FNTB: variants seen among roughly 807,000 people sequenced by gnomAD.
FNTB encodes protein farnesyltransferase subunit beta.
In FNTB, 27 loss-of-function variants were observed where a neutral mutation model predicts 59.4. The observed-to-expected ratio is 0.45, with a 90% CI of 0.34 to 0.63. The LOEUF is 0.63. Ranked by LOEUF, FNTB falls within the 20% of genes least tolerant of loss-of-function variation. The pLI, the probability that FNTB is intolerant of heterozygous loss-of-function variation, is 0.02. For synonymous variants in FNTB, 230 were observed against 220.7 expected, an observed-to-expected ratio of 1.04 and a Z score of -0.37; for missense variants, 449 against 559.6, an observed-to-expected ratio of 0.80 and a Z score of 1.99.
Position 65,040,926 on chromosome 14 carries a change from A to G in FNTB, c.822+7A>G. On this transcript the variant is annotated splice_region_variant and intron_variant, in intron 8 of 11. Transcript: ENST00000246166. ...GAACTTGAAGAGCTTATTAGTAAGTATCTTTTGAGCCATCCCCCTCTCAGG... is the reference window on the plus strand; with the variant it reads ...GAACTTGAAGAGCTTATTAGTAAGTGTCTTTTGAGCCATCCCCCTCTCAGG... 1.2e-6 allele frequency: 2 copies of G among 1,613,260 alleles called. No individual in the cohort carries two copies. Among genetic ancestry groups the G allele is most frequent in the South Asian group, 1.1e-5 (1 of 91,024 alleles).
At chr14:64,998,168 T>C (rs551210400) in intron 1 of FNTB, among the ~76,000 whole-genome samples, 3 of 152,368 alleles carry the variant, frequency 2.0e-5, no homozygotes, top group African/African-American at 7.2e-5. Context: ...AAGAAAGTAC[T>C]ATTTGAGGTA....
At chr14:65,008,353 A>G (rs766161361) in intron 2 of FNTB, among the ~76,000 whole-genome samples, 3 of 152,182 alleles carry the variant, frequency 2.0e-5, no homozygotes, top group Non-Finnish European at 4.4e-5. Flanking sequence ...CCTCTCTTTC[A>G]GCAGCAGTAT....
intron 11 of FNTB, among the ~76,000 whole-genome samples, chr14:65,059,669 C>G (rs1239489865): frequency 6.6e-6 from 1 of 151,952 alleles, no homozygotes; most frequent in Non-Finnish European, 1.5e-5. Context: ...TGGGAGAATC[C>G]TGAATATTGG....
chr14:65,005,635 G>A lies in FNTB; in HGVS notation c.209+1322G>A, dbSNP rs556553381. On this transcript the variant is annotated intron_variant, in intron 2 of 11. Coordinates refer to ENST00000246166, the MANE Select transcript of FNTB (RefSeq NM_002028.4). ...TGTCTTGTCTTGTCCTGTCCTGTCC[G>A]GTCCTGCCCTGCCCTGCCCTGTCTT... 6.3e-4 allele frequency among the ~76,000 whole-genome samples: 94 copies of A among 148,902 alleles called. 1 individual carries two copies. The highest frequency in any genetic ancestry group is 6.5e-4 in the Non-Finnish European group (44 of 67,342).
intron 1 of FNTB, among the ~76,000 whole-genome samples, chr14:64,992,372 T>G (rs1005397928): frequency 6.6e-6 from 1 of 152,206 alleles, no homozygotes; most frequent in African/African-American, 2.4e-5. Flanking sequence ...AATCACCTAC[T>G]TTATAAAGTA....
intron 4 of FNTB, among the ~76,000 whole-genome samples, chr14:65,025,529 C>T (rs1443798991): frequency 1.3e-5 from 2 of 152,164 alleles, no homozygotes; most frequent in African/African-American, 4.8e-5. Context: ...AAAAATGTGT[C>T]ACATGCTGGG....
At chr14:65,015,507 G>C (rs1414800493) in intron 3 of FNTB, 118 bp from the exon 4 acceptor site, 21 of 799,620 alleles carry the variant, frequency 2.6e-5, no homozygotes, top group African/African-American at 5.2e-5. Context: ...TGTTGTTTGA[G>C]CAAGGGTGCC....
chr14:64,997,584 T>C lies in FNTB; in HGVS notation c.145-6665T>C, dbSNP rs35447265. Among the ~76,000 whole-genome samples, 59,014 of 152,130 alleles carry C rather than the reference T, an allele frequency of 0.39. 11,738 individuals are homozygous for C. Among genetic ancestry groups the C allele is most frequent in the Non-Finnish European group, 0.42 (28,583 of 67,992 alleles). ...AATTGATTGTGTCTGTGCAGCAAGC[T>C]GGAAGAACCCGTTGGGCGGTTACAA... On this transcript the variant is annotated intron_variant, in intron 1 of 11. Coordinates refer to ENST00000246166, the MANE Select transcript of FNTB (RefSeq NM_002028.4). The surrounding 1 kb of genome is among the most constrained non-coding windows in gnomAD (Gnocchi z 4.5).
Position 65,054,811 on chromosome 14 carries a change from C to A in FNTB, c.1182+122C>A. 9.1e-7 allele frequency: 1 copy of A among 1,100,266 alleles called. No individual in the cohort carries two copies. The highest frequency in any genetic ancestry group is 1.3e-6 in the Non-Finnish European group (1 of 767,872). The allele number at this position is 1,100,266 out of a possible 1,614,324, so 68.2% of individuals were successfully genotyped here. A position where few individuals can be genotyped will look rare whatever the true frequency, so the allele number is the denominator to read the frequency against. On this transcript the variant is annotated intron_variant, in intron 11 of 11. Transcript: ENST00000246166. This position sits in a 1 kb window ranked among gnomAD's most constrained non-coding sequence, Gnocchi z 4.4. Reference sequence around the variant, plus strand: ...GGACAGGCGGAAGCTTGTGGTCCCTCTGCCCTTCGAGCTGTGCAGCCGTTA... The same window carrying A: ...GGACAGGCGGAAGCTTGTGGTCCCTATGCCCTTCGAGCTGTGCAGCCGTTA...
At chr14:65,058,933 TTATTG>T (rs2062802223) in intron 11 of FNTB, among the ~76,000 whole-genome samples, 1 of 152,242 alleles carries the variant, frequency 6.6e-6, no homozygotes, top group Non-Finnish European at 1.5e-5. Flanking sequence ...ATCTAAAATT[TTATTG>T]TATTGTCCTT....
chr14:65,060,215 AAC>A (rs1360178686), intron 11 of FNTB, among the ~76,000 whole-genome samples: 1 of 149,014 alleles, frequency 6.7e-6, no homozygotes, highest in East Asian at 1.9e-4. Flanking sequence ...GAAAATGAAA[AAC>A]AATCATATCA....
At chr14:65,005,485 CTTTCTTTCTTTCTTTCTTTCTTTCTT>C (rs1566864914) in intron 2 of FNTB, among the ~76,000 whole-genome samples, 10 of 136,608 alleles carry the variant, frequency 7.3e-5, no homozygotes, top group East Asian at 5.0e-4. Flanking sequence ...TTCTTTCTTT[CTTTCTTTCTTTCTTTCTTTCTTTCTT>C]TCTCTCTCTC....
At chr14:64,996,766 C>CTTTTTTTTTTTTTTT (rs34327825) in intron 1 of FNTB, among the ~76,000 whole-genome samples, 6 of 94,438 alleles carry the variant, frequency 6.4e-5, no homozygotes, top group Non-Finnish European at 1.0e-4. Flanking sequence ...TTGCTAACAT[C>CTTTTTTTTTTTTTTT]TTTTTTTTTT....
chr14:64,995,101 C>T (rs934869865), intron 1 of FNTB, among the ~76,000 whole-genome samples: 3 of 152,132 alleles, frequency 2.0e-5, no homozygotes, highest in Non-Finnish European at 4.4e-5. Context: ...AAAACCAAGA[C>T]ACAAACGCAC....
chr14:64,996,947 T>C (rs2140042711), intron 1 of FNTB, among the ~76,000 whole-genome samples: 1 of 152,250 alleles, frequency 6.6e-6, no homozygotes, highest in East Asian at 1.9e-4. Context: ...CTTTTATGCA[T>C]TCATAAACAA....
chr14:65,037,621 C>G (rs1205130170), intron 7 of FNTB, among the ~76,000 whole-genome samples: 1 of 149,198 alleles, frequency 6.7e-6, no homozygotes, highest in Non-Finnish European at 1.5e-5. Flanking sequence ...GACAAAGCCT[C>G]ACCACATTGC....
rs1388767400 is a variant in FNTB at position 65,028,994 on chromosome 14, T to C, written c.605+1213T>C. Among the ~76,000 whole-genome samples, 1 of 152,216 alleles carries C rather than the reference T, an allele frequency of 6.6e-6. No individual in the cohort carries two copies. Among genetic ancestry groups the C allele is most frequent in the Admixed American group, 6.5e-5 (1 of 15,280 alleles). ...ACCTTTTGCAGCTGTGATTATTTGC[T>C]ATCTTATTCATTCCAGCACTTTTTT... On this transcript the variant is annotated intron_variant, in intron 6 of 11. Coordinates refer to ENST00000246166, the MANE Select transcript of FNTB (RefSeq NM_002028.4). The surrounding 1 kb of genome is among the most constrained non-coding windows in gnomAD (Gnocchi z 4.4).
At chr14:65,019,077 G>T (rs555889432) in intron 4 of FNTB, among the ~76,000 whole-genome samples, 1 of 152,320 alleles carries the variant, frequency 6.6e-6, no homozygotes, top group African/African-American at 2.4e-5. Context: ...GGAGGCTGAG[G>T]CAGGAGACTC....
intron 8 of FNTB, among the ~76,000 whole-genome samples, chr14:65,042,621 C>T (rs75869478): frequency 2.6e-5 from 4 of 152,196 alleles, no homozygotes; most frequent in Non-Finnish European, 5.9e-5. Flanking sequence ...GGGTTAGGGA[C>T]CCCTGCTCTA....
Sources: gnomAD v4.1 joint callset for allele counts (sites outside exome capture counted in the v4.1 genomes callset) on GRCh38, gnomAD v4.1.1 for gene constraint, Gnocchi (gnomAD v3.1) non-coding constraint, MANE v1.5 for transcripts, NCBI Gene and HGNC (gene_info 2026-07-23, HGNC 2026-07-21) for gene names.